The following DPY19L4 variants were observed in gnomAD, a reference collection of about 807,000 sequenced individuals.
DPY19L4 encodes the protein probable C-mannosyltransferase DPY19L4.
In DPY19L4, 97 loss-of-function variants were observed where a neutral mutation model predicts 102.8. The ratio of observed to expected loss-of-function variants is 0.94; its 90% confidence interval spans 0.80 to 1.12. DPY19L4 has a LOEUF of 1.12. DPY19L4 is among the 50% of genes most tolerant of loss of function. The pLI is 0.00. For synonymous variants in DPY19L4, 252 were observed against 283.1 expected, an observed-to-expected ratio of 0.89 and a Z score of 1.10; for missense variants, 815 against 850.4, an observed-to-expected ratio of 0.96 and a Z score of 0.52.
At chr8:94,732,498 C>T (rs1232251414) in intron 2 of DPY19L4, among the ~76,000 whole-genome samples, 3 of 151,946 alleles carry the variant, frequency 2.0e-5, no homozygotes, top group Admixed American at 1.3e-4. Flanking sequence ...TCAAGACCAG[C>T]CTGGGCAACA....
chr8:94,732,631 T>C (rs1357764714), intron 2 of DPY19L4, among the ~76,000 whole-genome samples: 1 of 152,106 alleles, frequency 6.6e-6, no homozygotes, highest in Non-Finnish European at 1.5e-5. Context: ...GAGTTGTACA[T>C]TTTACATGGC....
At chr8:94,789,402 A>G (rs997354416) in intron 18 of DPY19L4, among the ~76,000 whole-genome samples, 1 of 152,232 alleles carries the variant, frequency 6.6e-6, no homozygotes, top group Non-Finnish European at 1.5e-5. Context: ...TATATTTAGG[A>G]ATATAATATG....
chr8:94,757,790 A>G (rs1812226461), intron 7 of DPY19L4, among the ~76,000 whole-genome samples: 1 of 152,248 alleles, frequency 6.6e-6, no homozygotes, highest in Admixed American at 6.5e-5. Flanking sequence ...AGGGAAGAAT[A>G]GTTTTTCAAT....
At chr8:94,733,821 C>T (rs183003766) in intron 2 of DPY19L4, among the ~76,000 whole-genome samples, 2 of 152,056 alleles carry the variant, frequency 1.3e-5, no homozygotes, top group Non-Finnish European at 2.9e-5. Context: ...GGATTACAGA[C>T]GTGAGCTACC....
intron 3 of DPY19L4, among the ~76,000 whole-genome samples, chr8:94,736,141 A>G (rs911512452): frequency 5.9e-5 from 9 of 152,272 alleles, no homozygotes; most frequent in African/African-American, 2.2e-4. Flanking sequence ...ACATGGTGGA[A>G]GCAGCAAGGG....
intron 18 of DPY19L4, among the ~76,000 whole-genome samples, chr8:94,788,661 T>TC (rs33980904): frequency 1.1e-4 from 17 of 152,008 alleles, no homozygotes; most frequent in Admixed American, 5.9e-4. Context: ...GCATGTGTCT[T>TC]CCCCCCCAGC....
chr8:94,771,139 A>G (rs545536488), intron 13 of DPY19L4, among the ~76,000 whole-genome samples: 4 of 150,994 alleles, frequency 2.6e-5, no homozygotes, highest in African/African-American at 9.7e-5. Flanking sequence ...CTGGTCTTGA[A>G]CTCCTCACCT....
Position 94,782,707 on chromosome 8 carries a change from A to G in DPY19L4, c.1716-963A>G, listed in dbSNP as rs923790685. ...AATAGGTATATAGAAACAAGAATAG[A>G]TTTTATTATAATGTCTTGTTACTAT... On this transcript the variant is annotated intron_variant, in intron 16 of 18. Coordinates refer to ENST00000414645, the MANE Select transcript of DPY19L4 (RefSeq NM_181787.3). 2.0e-5 allele frequency among the ~76,000 whole-genome samples: 3 copies of G among 152,206 alleles called. No homozygotes were observed. In the South Asian group the frequency reaches 6.2e-4, roughly 31 times the overall value.
chr8:94,754,487 C>T (rs1325691230), intron 6 of DPY19L4, among the ~76,000 whole-genome samples: 1 of 152,028 alleles, frequency 6.6e-6, no homozygotes, highest in Non-Finnish European at 1.5e-5. Flanking sequence ...ATATAATTAC[C>T]AACTCTGATA....
At chr8:94,749,767 A>G (rs558007196) in intron 6 of DPY19L4, among the ~76,000 whole-genome samples, 1 of 152,180 alleles carries the variant, frequency 6.6e-6, no homozygotes, top group African/African-American at 2.4e-5. Context: ...TAAACCCTTT[A>G]TGGATTAAGA....
At chr8:94,772,747 T>C (rs564986843) in intron 13 of DPY19L4, among the ~76,000 whole-genome samples, 2 of 152,338 alleles carry the variant, frequency 1.3e-5, no homozygotes, top group Admixed American at 1.3e-4. Flanking sequence ...TAAATCACAC[T>C]GTTAGCATAG....
intron 13 of DPY19L4, among the ~76,000 whole-genome samples, chr8:94,775,874 A>G (rs1017932752): frequency 6.6e-6 from 1 of 151,716 alleles, no homozygotes; most frequent in African/African-American, 2.4e-5. Context: ...TTCCTCTTCC[A>G]TTTTTAGCAG....
Position 94,738,425 on chromosome 8 carries a change from TA to T in DPY19L4, c.312del (p.Asp105IlefsTer3). On this transcript the variant is annotated frameshift_variant, in exon 4 of 19. Transcript: ENST00000414645. LOFTEE classifies it high-confidence loss of function. ...ACAGTGCCATTTATTACTCCTATTA[TA>T]AAGATATGTTAAAGGCACCTTCATT... The part of the protein sequence containing the change: ...GDSAIYYSYY[K>X]DMLKAPSFER... 6.4e-7 allele frequency: 1 copy of T among 1,565,776 alleles called. No individual in the cohort carries two copies. Among genetic ancestry groups the T allele is most frequent in the African/African-American group, 1.4e-5 (1 of 72,724 alleles).
At chr8:94,765,633 G>A in intron 9 of DPY19L4, 78 bp from the exon 10 acceptor site, 2 of 1,119,884 alleles carry the variant, frequency 1.8e-6, no homozygotes, top group Non-Finnish European at 2.7e-6. Context: ...ACTGTGCTCG[G>A]CCATTCTTAT....
chr8:94,731,306 TA>T (rs1313225008), intron 2 of DPY19L4, among the ~76,000 whole-genome samples: 3 of 152,242 alleles, frequency 2.0e-5, no homozygotes, highest in Non-Finnish European at 4.4e-5. Flanking sequence ...TGATTTCATA[TA>T]TTTTTTCAGG....
rs191066157 is a variant in DPY19L4 at position 94,728,561 on chromosome 8, A to G, written c.127+2120A>G. On this transcript the variant is annotated intron_variant, in intron 2 of 18. Transcript: ENST00000414645. ...CTATATATAAATTTGCTCAAGATAA[A>G]AGCTGTGGGTAATCTACAAATCTAG... Among the ~76,000 whole-genome samples the G allele has an allele frequency of 2.0e-5, 3 of 152,302 alleles. No homozygotes were observed. In the East Asian group the frequency reaches 5.8e-4, roughly 29 times the overall value.
chr8:94,769,755 G>A (rs1377949192), intron 12 of DPY19L4, among the ~76,000 whole-genome samples: 3 of 151,758 alleles, frequency 2.0e-5, no homozygotes, highest in African/African-American at 7.3e-5. Flanking sequence ...TGTTTGAAAC[G>A]TGGTTGTATA....
chr8:94,726,231 A>G (rs1810682833), intron 1 of DPY19L4, 100 bp from the exon 2 acceptor site: 1 of 833,068 alleles, frequency 1.2e-6, no homozygotes, highest in Admixed American at 3.3e-5. Context: ...AATAGGTCTT[A>G]GTGGTACTTT....
chr8:94,778,395 A>G (rs531362565), intron 14 of DPY19L4, among the ~76,000 whole-genome samples: 2 of 152,342 alleles, frequency 1.3e-5, no homozygotes, highest in South Asian at 4.2e-4. Context: ...TATATTTTCT[A>G]TGTGAATGGA....
Sources: gnomAD v4.1 joint callset for allele counts (sites outside exome capture counted in the v4.1 genomes callset) on GRCh38, gnomAD v4.1.1 for gene constraint, MANE v1.5 for transcripts, NCBI Gene and HGNC (gene_info 2026-07-23, HGNC 2026-07-21) for gene names.